Variants in FMN2 observed in about 807,000 individuals in gnomAD.
The protein encoded by FMN2 is formin 2.
A neutral mutation model predicts 142.3 loss-of-function variants in FMN2; 51 were observed. The observed-to-expected ratio is 0.36, with a 90% CI of 0.29 to 0.45. FMN2 has a LOEUF of 0.45. Ranked by LOEUF, FMN2 falls within the 20% of genes least tolerant of loss-of-function variation. The pLI is 1.00. For synonymous variants in FMN2, 882 were observed against 869.8 expected (o/e 1.01, Z -0.25); for missense variants, 1,936 against 2,122.8 (o/e 0.91, Z 1.73).
chr1:240,379,908 A>G (rs1241611729), intron 14 of FMN2, among the ~76,000 whole-genome samples: 1 of 152,206 alleles, frequency 6.6e-6, no homozygotes, highest in Non-Finnish European at 1.5e-5. Context: ...TAAATTTAAC[A>G]CAATTCATCA....
intron 3 of FMN2, among the ~76,000 whole-genome samples, chr1:240,183,576 C>A (rs542001469): frequency 1.3e-5 from 2 of 150,924 alleles, no homozygotes; most frequent in Non-Finnish European, 2.9e-5. Flanking sequence ...CACACACATG[C>A]CTACATATAG....
intron 7 of FMN2, among the ~76,000 whole-genome samples, chr1:240,280,356 A>G (rs903275696): frequency 5.7e-5 from 8 of 141,154 alleles, no homozygotes; most frequent in Non-Finnish European, 1.1e-4. Flanking sequence ...GTAGCACTAC[A>G]CTGAAAAAAG....
intron 2 of FMN2, among the ~76,000 whole-genome samples, chr1:240,161,797 A>T (rs1026756429): frequency 2.0e-5 from 3 of 152,200 alleles, no homozygotes; most frequent in African/African-American, 7.2e-5. Context: ...GTTGATATCC[A>T]TCTCACAAAT....
chr1:240,466,753 T>G (rs1185189750), intron 16 of FMN2, among the ~76,000 whole-genome samples: 1 of 152,214 alleles, frequency 6.6e-6, no homozygotes, highest in Non-Finnish European at 1.5e-5. Flanking sequence ...GCTTAGAATC[T>G]TATATTCTTT....
At chr1:240,256,566 C>T (rs1032636791) in intron 6 of FMN2, among the ~76,000 whole-genome samples, 3 of 133,446 alleles carry the variant, frequency 2.2e-5, no homozygotes, top group African/African-American at 5.6e-5. Flanking sequence ...TGGTGAAACT[C>T]GGTCTCCACT....
chr1:240,249,201 C>T (rs771849422), intron 6 of FMN2, among the ~76,000 whole-genome samples: 3 of 152,010 alleles, frequency 2.0e-5, no homozygotes, highest in Non-Finnish European at 4.4e-5. Context: ...TATTTTCCCT[C>T]TGTTTACTTC....
chr1:240,219,596 A>G (rs1303139796), intron 6 of FMN2, among the ~76,000 whole-genome samples: 2 of 152,182 alleles, frequency 1.3e-5, no homozygotes, highest in Non-Finnish European at 2.9e-5. Flanking sequence ...ATAAATGGAA[A>G]ATAAACTGTT....
At chr1:240,437,102 T>C (rs189030012) in intron 15 of FMN2, among the ~76,000 whole-genome samples, 1 of 152,278 alleles carries the variant, frequency 6.6e-6, no homozygotes, top group East Asian at 1.9e-4. Flanking sequence ...ACTAGTGGTA[T>C]GTTCTTTGTC....
intron 1 of FMN2, among the ~76,000 whole-genome samples, chr1:240,119,070 C>G (rs1662134899): frequency 6.6e-6 from 1 of 151,702 alleles, no homozygotes; most frequent in South Asian, 2.1e-4. Context: ...TGGCTCACAC[C>G]TGGAGTCCCA....
chr1:240,131,637 A>C (rs1662740939), intron 2 of FMN2, among the ~76,000 whole-genome samples: 1 of 152,010 alleles, frequency 6.6e-6, no homozygotes, highest in Admixed American at 6.6e-5. Flanking sequence ...TGAACCCAGG[A>C]GGCGGAGGTT....
rs576505682 is a variant in FMN2, at chr1:240,363,011, T to G, written c.4858+7103T>G. ...AAATCTGTAATCACATGCTTATAATTAAAAGAATGATGAAACCTCAGCTCT... is the reference window on the plus strand; with the variant it reads ...AAATCTGTAATCACATGCTTATAATGAAAAGAATGATGAAACCTCAGCTCT... On this transcript the variant is annotated intron_variant, in intron 14 of 17. Coordinates refer to ENST00000319653, the MANE Select transcript of FMN2 (RefSeq NM_020066.5). Among the ~76,000 whole-genome samples, 10 of 152,322 alleles carry G rather than the reference T, an allele frequency of 6.6e-5. No homozygotes were observed. In the East Asian group the frequency reaches 1.7e-3, roughly 26 times the overall value.
chr1:240,103,196 A>G (rs1004031092), intron 1 of FMN2, among the ~76,000 whole-genome samples: 4 of 152,178 alleles, frequency 2.6e-5, no homozygotes, highest in Middle Eastern at 3.2e-3. Flanking sequence ...TTATTTCTCT[A>G]AGGAGACTCA....
intron 2 of FMN2, chr1:240,143,926 C>T (rs1164014449): frequency 6.6e-7 from 1 of 1,518,794 alleles, no homozygotes; most frequent in Admixed American, 1.7e-5. Flanking sequence ...CCAAGCCTAG[C>T]CCAAAGATGG....
chr1:240,329,246 G>C (rs2103013389), intron 9 of FMN2, 79 bp downstream of exon 9: 1 of 1,595,298 alleles, frequency 6.3e-7, no homozygotes, highest in Non-Finnish European at 8.6e-7. Context: ...CAAATGCGGT[G>C]TCTTCAGTGC....
chr1:240,138,875 A>T (rs1663064180), intron 2 of FMN2, among the ~76,000 whole-genome samples: 1 of 152,232 alleles, frequency 6.6e-6, no homozygotes, highest in African/African-American at 2.4e-5. Flanking sequence ...TTAATAAAAT[A>T]ATCTTACTTA....
chr1:240,207,147 A>G lies in FMN2; in HGVS notation c.2335A>G (p.Thr779Ala). ...CPPGAESGPQ[T>A]KFCSEISLIV... is the part of the protein sequence containing the mutation. ...CCCTGGGGCTGAAAGTGGACCTCAGACAAAGTTCTGTTCAGAGATTTCTTT... is the reference window on the plus strand; with the variant it reads ...CCCTGGGGCTGAAAGTGGACCTCAGGCAAAGTTCTGTTCAGAGATTTCTTT... Residue 779 changes from threonine (T) to alanine (A), a missense_variant, in exon 5 of 18, where the codon ACA (threonine) becomes GCA (alanine). By Grantham distance (58) the Thr-to-Ala change is moderately conservative. Transcript: ENST00000319653. 1 of 1,614,056 alleles carries G rather than the reference A, an allele frequency of 6.2e-7. No individual in the cohort carries two copies. Among genetic ancestry groups the G allele is most frequent in the Non-Finnish European group, 8.5e-7 (1 of 1,179,970 alleles).
intron 6 of FMN2, among the ~76,000 whole-genome samples, chr1:240,253,559 TATC>T (rs1254572077): frequency 6.6e-6 from 1 of 152,236 alleles, no homozygotes; most frequent in Non-Finnish European, 1.5e-5. Flanking sequence ...GATTCTTTAA[TATC>T]ATTATCTTGA....
At chr1:240,253,955 G>C (rs572107145) in intron 6 of FMN2, among the ~76,000 whole-genome samples, 2 of 152,128 alleles carry the variant, frequency 1.3e-5, no homozygotes. Flanking sequence ...AGGATGCTAG[G>C]TGGGCCAGTC....
intron 14 of FMN2, among the ~76,000 whole-genome samples, chr1:240,368,974 A>ATATATATATATATATATATATAT (rs1553370054): frequency 8.3e-6 from 1 of 120,580 alleles, no homozygotes; most frequent in African/African-American, 4.1e-5. Flanking sequence ...TATATATATA[A>ATATATATATATATATATATATAT]ACACAGAGTA....
Sources: allele counts gnomAD v4.1 joint callset (sites outside exome capture counted in the v4.1 genomes callset), GRCh38; gene constraint gnomAD v4.1.1; transcripts MANE v1.5; gene names NCBI Gene and HGNC (gene_info 2026-07-23, HGNC 2026-07-21).